Variants in RGS4 observed in about 807,000 individuals in gnomAD.
RGS4 encodes the protein schizophrenia disorder 9.
RGS4 carries 15 observed loss-of-function variants against 21.6 expected under a neutral mutation model. The ratio of observed to expected loss-of-function variants is 0.69; its 90% CI spans 0.46 to 1.07. The LOEUF is 1.07. Ranked by LOEUF, RGS4 falls within the 50% of genes least tolerant of loss-of-function variation. The probability of loss-of-function intolerance (pLI) is 0.00; values close to 1 mark genes in which losing one functional copy is unlikely to be tolerated. For missense variants in RGS4, 237 were observed against 239.0 expected, an observed-to-expected ratio of 0.99 and a Z score of 0.06; for synonymous variants, 94 against 85.5, an observed-to-expected ratio of 1.10 and a Z score of -0.55.
intron 4 of RGS4, chr1:163,074,061 C>T (rs916050749): frequency 1.2e-5 from 6 of 511,314 alleles, no homozygotes; most frequent in Non-Finnish European, 3.4e-6. Flanking sequence ...CATAACCTCC[C>T]TGCATGAATT....
chr1:163,069,342 C>T, upstream of RGS4: 1 of 1,553,160 alleles, frequency 6.4e-7, no homozygotes, highest in Non-Finnish European at 8.7e-7. Context: ...ATAAAAGAGA[C>T]CCCTACAGGC....
rs1467988267 is a variant in RGS4, at chr1:163,076,420, T to C, written c.*1860T>C. On this transcript the variant is annotated 3_prime_UTR_variant, in exon 5 of 5. Transcript: ENST00000367909. Reference sequence around the variant, plus strand: ...AGTTCCTCATCAGTGTCATTTTCTGTTATACACAGTTCCACAATTTTGTCT... The same window carrying C: ...AGTTCCTCATCAGTGTCATTTTCTGCTATACACAGTTCCACAATTTTGTCT... The C allele has an allele frequency of 2.6e-5, 4 of 152,574 alleles. No individual in the cohort carries two copies. The highest frequency in any genetic ancestry group is 4.8e-5 in the African/African-American group (2 of 41,434). 9.5% of individuals were successfully genotyped at this position (152,574 alleles called of 1,614,324 possible). A position where few individuals can be genotyped will look rare whatever the true frequency, so the allele number is the denominator to read the frequency against.
rs1049946642 is a variant in RGS4, at chr1:163,074,589, G to A, written c.*29G>A. The A allele has an allele frequency of 6.2e-7, 1 of 1,613,828 alleles. No individual in the cohort carries two copies. The highest frequency in any genetic ancestry group is 1.7e-4 in the Middle Eastern group (1 of 6,058). On this transcript the variant is annotated 3_prime_UTR_variant, in exon 5 of 5. Transcript: ENST00000367909. Reference sequence around the variant, plus strand: ...TCACCTGAAGGCAGAGGGATGAAATGCCAAGACTCTATGCTCTGGAAAACC... The same window carrying A: ...TCACCTGAAGGCAGAGGGATGAAATACCAAGACTCTATGCTCTGGAAAACC...
At chr1:163,069,205 A>G (rs1197972002), upstream of RGS4, 25 of 1,522,180 alleles carry the variant, frequency 1.6e-5, no homozygotes, top group Non-Finnish European at 2.0e-5. Context: ...CTGCTCGTTC[A>G]CTTAACATTG....
intron 2 of RGS4, 63 bp downstream of exon 2, chr1:163,072,562 TG>T: frequency 8.1e-7 from 1 of 1,239,968 alleles, no homozygotes; most frequent in Non-Finnish European, 1.2e-6. Flanking sequence ...GGGGATGTTC[TG>T]TGAGAAGGAA....
chr1:163,069,343 C>T (rs147943921), upstream of RGS4: 233 of 1,553,366 alleles, frequency 1.5e-4, no homozygotes, highest in African/African-American at 2.8e-3. Context: ...TAAAAGAGAC[C>T]CCTACAGGCT....
intron 1 of RGS4, 50 bp downstream of exon 1, chr1:163,069,578 C>T (rs755344846): frequency 4.7e-6 from 7 of 1,487,248 alleles, no homozygotes; most frequent in Non-Finnish European, 9.3e-7. Flanking sequence ...GCTAGACTTT[C>T]TCAGTTATTT....
At chr1:163,070,954 A>G (rs1295730952) in intron 1 of RGS4, among the ~76,000 whole-genome samples, 1 of 152,124 alleles carries the variant, frequency 6.6e-6, no homozygotes, top group Non-Finnish European at 1.5e-5. Flanking sequence ...GACCAAATCT[A>G]GAATTCCTGA....
At chr1:163,070,294 T>C (rs1458238528) in intron 1 of RGS4, among the ~76,000 whole-genome samples, 3 of 152,170 alleles carry the variant, frequency 2.0e-5, no homozygotes, top group Non-Finnish European at 4.4e-5. Flanking sequence ...AGAAATGCAT[T>C]CAGAGAAAGA....
rs1378256055 is a variant in RGS4, at chr1:163,072,446, C to G, written c.96C>G (p.Ser32=). ...GTTTCCTGCTGCAAAAATCTGATTC[C>G]TGTGAACACAATTCTTCCCACAACA... ...RLGFLLQKSD[S]CEHNSSHNKK... is the part of the protein sequence containing the mutation. Residue 32 remains serine (S), a synonymous_variant, in exon 2 of 5, where the codon TCC becomes TCG. Transcript: ENST00000367909. 6.2e-6 allele frequency: 10 copies of G among 1,613,248 alleles called. No individual in the cohort carries two copies. The highest frequency in any genetic ancestry group is 8.5e-6 in the Non-Finnish European group (10 of 1,179,534).
In RGS4 at chr1:163,069,502, A is replaced by C. The variant is rs1395058414; in HGVS notation, c.18A>C (p.Ala6=). 6.2e-7 allele frequency: 1 copy of C among 1,613,486 alleles called. No homozygotes were observed. Among genetic ancestry groups the C allele is most frequent in the Non-Finnish European group, 8.5e-7 (1 of 1,179,684 alleles). The change falls in exon 1 of 5, where the codon GCA becomes GCC. Residue 6 remains alanine (A), a synonymous_variant. Transcript: ENST00000367909. ...TAAATAAGATGTGCAAAGGGCTTGC[A>C]GGTCTGCCGGCTTCTTGCTTGAGGA... is the stretch of plus-strand genomic sequence containing the variant. MCKGL[A]GLPASCLRSA... is the part of the protein sequence containing the mutation.
chr1:163,072,333 T>C (rs1487971292), intron 1 of RGS4, 62 bp from the exon 2 acceptor site: 10 of 1,250,862 alleles, frequency 8.0e-6, no homozygotes, highest in East Asian at 4.9e-5. Flanking sequence ...AGCTCTACCA[T>C]TAGGTATCTT....
At chr1:163,073,867 C>G (rs543760572) in intron 4 of RGS4, 1 of 419,490 alleles carries the variant, frequency 2.4e-6, no homozygotes, top group South Asian at 4.7e-5. Flanking sequence ...CCTATTCCCT[C>G]TACCCAACTT....
intron 2 of RGS4, 92 bp downstream of exon 2, chr1:163,072,591 G>C (rs1489541585): frequency 3.0e-5 from 31 of 1,019,960 alleles, no homozygotes; most frequent in Non-Finnish European, 4.5e-5. Flanking sequence ...TCCTAGTTAA[G>C]CCAGATTTGG....
chr1:163,073,166 T>C (rs1655375978), intron 3 of RGS4, among the ~76,000 whole-genome samples: 1 of 152,204 alleles, frequency 6.6e-6, no homozygotes, highest in Admixed American at 6.5e-5. Flanking sequence ...CAGTTTCTCT[T>C]TCCCAAATTG....
At position 163,074,739 on chromosome 1, in the gene RGS4, G is replaced by C. The variant is rs772457031; in HGVS notation, c.*179G>C. On this transcript the variant is annotated 3_prime_UTR_variant, in exon 5 of 5. Transcript: ENST00000367909. ...ACTAGATATAGCTTTTGGTGTTTGA[G>C]TGTTCATCAGGGTGGGACCCCATTC... is the stretch of plus-strand genomic sequence containing the variant. 5 of 929,828 alleles carry C rather than the reference G, an allele frequency of 5.4e-6. No homozygotes were observed. Among genetic ancestry groups the C allele is most frequent in the Non-Finnish European group, 8.4e-6 (5 of 592,436 alleles). 57.6% of individuals were successfully genotyped at this position (929,828 alleles called of 1,614,324 possible). A position where few individuals can be genotyped will look rare whatever the true frequency, so the allele number is the denominator to read the frequency against.
At chr1:163,069,210 A>G (rs1036271989), upstream of RGS4, 2 of 1,528,752 alleles carry the variant, frequency 1.3e-6, no homozygotes, top group Non-Finnish European at 1.8e-6. Flanking sequence ...CGTTCACTTA[A>G]CATTGCTGAT....
At chr1:163,073,784 C>A in intron 4 of RGS4, 162 bp downstream of exon 4, 1 of 545,580 alleles carries the variant, frequency 1.8e-6, no homozygotes, top group Non-Finnish European at 3.2e-6. Context: ...CAAATCTCCT[C>A]TTCTAGCTAT....
In RGS4 at chr1:163,073,488, T is replaced by G; in HGVS notation, c.244T>G (p.Ser82Ala). 6.3e-7 allele frequency: 1 copy of G among 1,595,432 alleles called. No individual in the cohort carries two copies. The highest frequency in any genetic ancestry group is 8.5e-7 in the Non-Finnish European group (1 of 1,174,680). The change falls in exon 4 of 5, where the codon TCT becomes GCT. Residue 82 changes from serine (S) to alanine (A), a missense_variant. Coordinates refer to ENST00000367909, the MANE Select transcript of RGS4 (RefSeq NM_005613.6). ...GGCAGCTTTCAAAGCTTTCTTGAAG[T>G]CTGAATATAGTGAGGAGAATATTGA... ...GLAAFKAFLK[S>A]EYSEENIDFW...
Sources: allele counts gnomAD v4.1 joint callset (sites outside exome capture counted in the v4.1 genomes callset), GRCh38; gene constraint gnomAD v4.1.1; transcripts MANE v1.5; gene names NCBI Gene and HGNC (gene_info 2026-07-23, HGNC 2026-07-21).